The following UNC45A variants were observed in gnomAD, a reference collection of about 807,000 sequenced individuals.
UNC45A encodes the protein protein unc-45 homolog A.
UNC45A carries 78 observed loss-of-function variants against 103.2 expected under a neutral mutation model. The observed-to-expected ratio is 0.76, with a 90% confidence interval of 0.63 to 0.91. The LOEUF is 0.91. Among genes scored for constraint, UNC45A ranks in the 40% least tolerant of loss-of-function variants. UNC45A has a pLI of 0.00. For synonymous variants in UNC45A, 495 were observed against 504.6 expected, an observed-to-expected ratio of 0.98 and a Z score of 0.25; for missense variants, 1,193 against 1,224.8, an observed-to-expected ratio of 0.97 and a Z score of 0.39.
chr15:90,940,672 G>A (rs1177340068), intron 6 of UNC45A, 199 bp downstream of exon 6: 4 of 490,636 alleles, frequency 8.2e-6, no homozygotes, highest in Non-Finnish European at 1.3e-5. Context: ...CAGCACTTTG[G>A]GGGGCTGAGG....
upstream of UNC45A, chr15:90,931,956 T>C: frequency 6.2e-7 from 1 of 1,613,808 alleles, no homozygotes; most frequent in Non-Finnish European, 8.5e-7. Flanking sequence ...TGGGGACAAG[T>C]TCCCACTCAG....
At chr15:90,932,366 G>T, upstream of UNC45A, 1 of 1,051,252 alleles carries the variant, frequency 9.5e-7, no homozygotes, top group Non-Finnish European at 1.3e-6. Context: ...CGCCCCCCAC[G>T]TTTCCTTCCC....
In UNC45A at chr15:90,953,260, G is replaced by C. The variant is rs760313381; in HGVS notation, c.2527G>C (p.Ala843Pro). ...ACAGCGGGCAGCTGCCGGGGGCTTG[G>C]CCATGCTTACCTCCATGCGGCCCAC... ...LLQRAAAGGL[A>P]MLTSMRPTLC... The change falls in exon 19 of 20, where the codon GCC becomes CCC. Residue 843 changes from alanine (A) to proline (P), a missense_variant. Transcript: ENST00000418476. The C allele has an allele frequency of 6.2e-7, 1 of 1,613,560 alleles. No homozygotes were observed. Among genetic ancestry groups the C allele is most frequent in the Admixed American group, 1.7e-5 (1 of 60,004 alleles).
In UNC45A at chr15:90,935,566, G is replaced by A. The variant is rs2035966601; in HGVS notation, c.74G>A (p.Arg25Gln). Reference sequence around the variant, plus strand: ...CAGGCCAGCTCAGTGGAGCAGCTGCGGAAGGAGGGCAATGAGCTGTTCAAA... The same window carrying A: ...CAGGCCAGCTCAGTGGAGCAGCTGCAGAAGGAGGGCAATGAGCTGTTCAAA... The part of the protein sequence containing the change: ...TPGASSVEQL[R>Q]KEGNELFKCG... The change falls in exon 2 of 20, where the codon CGG (arginine) becomes CAG (glutamine). Residue 25 changes from arginine (R) to glutamine (Q), a missense_variant. Coordinates refer to ENST00000418476, the MANE Select transcript of UNC45A (RefSeq NM_018671.5). The A allele has an allele frequency of 1.2e-6, 2 of 1,609,996 alleles. No homozygotes were observed. The highest frequency in any genetic ancestry group is 8.5e-7 in the Non-Finnish European group (1 of 1,178,096).
Position 90,939,885 on chromosome 15 carries a change from C to A in UNC45A, c.519+62C>A. 2.7e-6 allele frequency: 4 copies of A among 1,497,318 alleles called. No homozygotes were observed. In the South Asian group the frequency reaches 3.5e-5, roughly 13 times the overall value. The allele number at this position is 1,497,318 out of a possible 1,614,324, so 92.8% of individuals were successfully genotyped here. On this transcript the variant is annotated intron_variant, in intron 5 of 19. Transcript: ENST00000418476. Reference sequence around the variant, plus strand: ...ACTAGAGCCACCCATCCATAGGCCCCCGAAGCCACTGCTGCCTTGCTCTGC... The same window carrying A: ...ACTAGAGCCACCCATCCATAGGCCCACGAAGCCACTGCTGCCTTGCTCTGC...
At chr15:90,932,425 C>T, upstream of UNC45A, 1 of 1,347,754 alleles carries the variant, frequency 7.4e-7, no homozygotes, top group Non-Finnish European at 9.5e-7. Context: ...GCCGACGCGC[C>T]CACCGATGGG....
chr15:90,937,533 C>A lies in UNC45A; in HGVS notation c.426+1073C>A, dbSNP rs2036082524. On this transcript the variant is annotated intron_variant, in intron 4 of 19. Coordinates refer to ENST00000418476, the MANE Select transcript of UNC45A (RefSeq NM_018671.5). ...ACGGAGTCTTGCTCTGTCGCCCACA[C>A]TGGAGTGCAGTGGTGCGAACTTGGC... Among the ~76,000 whole-genome samples the A allele has an allele frequency of 2.7e-5, 4 of 150,676 alleles. No homozygotes were observed. In the South Asian group the frequency reaches 8.4e-4, roughly 32 times the overall value.
chr15:90,946,121 G>GCA (rs2036553791), intron 9 of UNC45A, among the ~76,000 whole-genome samples: 1 of 151,276 alleles, frequency 6.6e-6, no homozygotes, highest in Non-Finnish European at 1.5e-5. Flanking sequence ...AGGTGTGGTG[G>GCA]TGGGTGCCTG....
intron 11 of UNC45A, 56 bp downstream of exon 11, chr15:90,947,946 A>G (rs2036659890): frequency 6.9e-7 from 1 of 1,442,078 alleles, no homozygotes; most frequent in Non-Finnish European, 9.6e-7. Context: ...CTCAAGACAC[A>G]GGGGTCTGGG....
In UNC45A at chr15:90,953,925, C is replaced by T. The variant is rs1261012886; in HGVS notation, c.*209C>T. 1.5e-6 allele frequency: 1 copy of T among 666,440 alleles called. No homozygotes were observed. The highest frequency in any genetic ancestry group is 2.5e-6 in the Non-Finnish European group (1 of 399,640). The allele number at this position is 666,440 out of a possible 1,614,324, so 41.3% of individuals were successfully genotyped here. On this transcript the variant is annotated 3_prime_UTR_variant, in exon 20 of 20. Transcript: ENST00000418476. ...GGCCAGCACTGCCTGCAGCCTCACT[C>T]AGAGGGGCCCTTTTTCTGTACTACT...
Position 90,948,132 on chromosome 15 carries a change from G to T in UNC45A, c.1596-10G>T. The T allele has an allele frequency of 1.9e-6, 3 of 1,613,802 alleles. No individual in the cohort carries two copies. Among genetic ancestry groups the T allele is most frequent in the Non-Finnish European group, 2.5e-6 (3 of 1,179,990 alleles). The stretch of plus-strand genomic sequence containing the variant: ...TCCTGAGGGTCGTCCACTATCCTGC[G>T]TGTCCCCAGGTGGCTGTGCAATGAC... On this transcript the variant is annotated splice_polypyrimidine_tract_variant and intron_variant, in intron 11 of 19. Coordinates refer to ENST00000418476, the MANE Select transcript of UNC45A (RefSeq NM_018671.5).
chr15:90,944,124 C>T (rs758744401), intron 8 of UNC45A, among the ~76,000 whole-genome samples: 12 of 151,244 alleles, frequency 7.9e-5, no homozygotes, highest in South Asian at 2.1e-4. Context: ...TGGTGCCTCA[C>T]GCCTATAATC....
upstream of UNC45A, chr15:90,932,227 G>T: frequency 8.6e-7 from 1 of 1,166,232 alleles, no homozygotes; most frequent in Non-Finnish European, 1.2e-6. Flanking sequence ...GGGTGACCTT[G>T]GTCAAGTACC....
upstream of UNC45A, chr15:90,932,543 C>A: frequency 8.0e-7 from 1 of 1,256,208 alleles, no homozygotes; most frequent in Non-Finnish European, 1.0e-6. Context: ...GAGCCCATCG[C>A]GCGGATGGGG....
At chr15:90,950,670 C>T in intron 17 of UNC45A, 55 bp downstream of exon 17, 3 of 1,551,252 alleles carry the variant, frequency 1.9e-6, no homozygotes, top group Non-Finnish European at 2.7e-6. Context: ...TCGGAATATC[C>T]CCCACAGCAG....
rs765477108 is a variant in UNC45A, at chr15:90,935,941, T to C, written c.214-5T>C. On this transcript the variant is annotated splice_region_variant and splice_polypyrimidine_tract_variant and intron_variant, in intron 2 of 19. Coordinates refer to ENST00000418476, the MANE Select transcript of UNC45A (RefSeq NM_018671.5). Reference sequence around the variant, plus strand: ...TTCCTTCAGGCTCCTGTCTTTCTCTTACAGGAAGATTACGACAAAGCAGAA... The same window carrying C: ...TTCCTTCAGGCTCCTGTCTTTCTCTCACAGGAAGATTACGACAAAGCAGAA... 4 of 1,614,034 alleles carry C rather than the reference T, an allele frequency of 2.5e-6. No individual in the cohort carries two copies. Among genetic ancestry groups the C allele is most frequent in the Admixed American group, 1.7e-5 (1 of 60,006 alleles).
chr15:90,946,438 G>C (rs946618997), intron 9 of UNC45A, among the ~76,000 whole-genome samples, 176 bp from the exon 10 acceptor site: 1 of 152,180 alleles, frequency 6.6e-6, no homozygotes, highest in Non-Finnish European at 1.5e-5. Flanking sequence ...AGTGAAAGTC[G>C]ATAAAGAAAA....
At chr15:90,952,847 T>G (rs989421932) in intron 17 of UNC45A, 82 bp from the exon 18 acceptor site, 39 of 1,308,348 alleles carry the variant, frequency 3.0e-5, no homozygotes, top group Non-Finnish European at 3.7e-5. Context: ...ACCTCCAACA[T>G]TGGGGATTAT....
chr15:90,947,767 G>A (rs763998363), intron 10 of UNC45A, 29 bp from the exon 11 acceptor site: 1 of 1,582,330 alleles, frequency 6.3e-7, no homozygotes, highest in Non-Finnish European at 8.7e-7. Context: ...CTTCCCCAGA[G>A]GCCAACTGGT....
Sources: gnomAD v4.1 joint callset for allele counts (sites outside exome capture counted in the v4.1 genomes callset) on GRCh38, gnomAD v4.1.1 for gene constraint, MANE v1.5 for transcripts, NCBI Gene and HGNC (gene_info 2026-07-23, HGNC 2026-07-21) for gene names.